The following GPC5 variants were observed in gnomAD, a reference collection of about 807,000 sequenced individuals.
GPC5 encodes the protein glypican-5.
GPC5 carries 47 observed loss-of-function variants against 53.9 expected under a neutral mutation model. That is an observed-to-expected ratio of 0.87 (90% CI 0.69 to 1.11). The LOEUF (loss-of-function observed/expected upper bound fraction) is 1.11. Among genes scored for constraint, GPC5 ranks in the 50% most tolerant of loss-of-function variants. The pLI, the probability that GPC5 is intolerant of heterozygous loss-of-function variation, is 0.00. For synonymous variants in GPC5, 286 were observed against 263.3 expected, an observed-to-expected ratio of 1.09 and a Z score of -0.84; for missense variants, 748 against 713.1, an observed-to-expected ratio of 1.05 and a Z score of -0.56.
intron 2 of GPC5, among the ~76,000 whole-genome samples, chr13:91,501,438 T>G (rs1364163304): frequency 5.3e-5 from 8 of 152,024 alleles, no homozygotes; most frequent in East Asian, 1.9e-4. Flanking sequence ...ATGCTCCCCT[T>G]CCTGTGTCCA....
rs1181855047 is a variant in GPC5, at chr13:91,497,249, C to T, written c.325+48327C>T. On this transcript the variant is annotated intron_variant, in intron 2 of 7. Coordinates refer to ENST00000377067, the MANE Select transcript of GPC5 (RefSeq NM_004466.6). ...CCAAACAAACTTGATTTAAACCTTT[C>T]TGTAGGTAATTATGTGTCAGCTATT... Among the ~76,000 whole-genome samples the T allele has an allele frequency of 1.1e-4, 17 of 152,000 alleles. No individual in the cohort carries two copies. The South Asian group carries it at 2.9e-3, about 26-fold the overall frequency.
Position 92,409,838 on chromosome 13 carries a change from GC to G in GPC5, c.1561+264850del, listed in dbSNP as rs1224416330. ...TAAATTATGATACATTTATGGTCCA[GC>G]TTTTAAAATAAATGCCACAGAGCTT... On this transcript the variant is annotated intron_variant, in intron 7 of 7. Coordinates refer to ENST00000377067, the MANE Select transcript of GPC5 (RefSeq NM_004466.6). Among the ~76,000 whole-genome samples, 5 of 152,148 alleles carry G rather than the reference GC, an allele frequency of 3.3e-5. No individual in the cohort carries two copies. In the East Asian group the frequency reaches 9.6e-4, roughly 29 times the overall value.
intron 4 of GPC5, among the ~76,000 whole-genome samples, chr13:91,735,099 T>C (rs879487188): frequency 8.6e-5 from 13 of 151,356 alleles, no homozygotes; most frequent in Non-Finnish European, 1.6e-4. Flanking sequence ...GATGACCTTG[T>C]TAAATATAAA....
intron 2 of GPC5, among the ~76,000 whole-genome samples, chr13:91,612,303 G>A (rs2033576613): frequency 6.6e-6 from 1 of 152,138 alleles, no homozygotes; most frequent in Non-Finnish European, 1.5e-5. Context: ...TAATGCTATA[G>A]TAAATTATAA....
intron 7 of GPC5, among the ~76,000 whole-genome samples, chr13:92,697,314 T>C (rs1038878264): frequency 6.6e-6 from 1 of 152,228 alleles, no homozygotes; most frequent in Non-Finnish European, 1.5e-5. Context: ...ACGATATTGA[T>C]TCTTCCTATC....
In GPC5 at chr13:91,617,975, TCTC is replaced by T. The variant is rs145340114; in HGVS notation, c.326-75206_326-75204del. 4.1e-3 allele frequency among the ~76,000 whole-genome samples: 625 copies of T among 152,196 alleles called. 4 individuals carry two copies. The highest frequency in any genetic ancestry group is 0.015 in the African/African-American group (605 of 41,522). ...TTGAATTTCATATGTCACAAAATAT[TCTC>T]CTCCTTCTTCTATTTTTGCTCCAGC... On this transcript the variant is annotated intron_variant, in intron 2 of 7. Transcript: ENST00000377067.
chr13:91,967,485 C>A (rs4566009), intron 6 of GPC5, among the ~76,000 whole-genome samples: 90,840 of 151,886 alleles, frequency 0.6, 27,714 homozygotes, highest in East Asian at 0.75. Flanking sequence ...AATTTTAAAA[C>A]ATATTAAATT....
In GPC5 at chr13:92,162,167, T is replaced by C. The variant is rs142907145; in HGVS notation, c.1561+17178T>C. ...CATTATGATGCTCACATAAGAACAT[T>C]GTACTCATTTAATACAAATTTTGCA... On this transcript the variant is annotated intron_variant, in intron 7 of 7. Transcript: ENST00000377067. Among the ~76,000 whole-genome samples the C allele has an allele frequency of 7.7e-4, 117 of 152,028 alleles. 1 individual carries two copies. Among genetic ancestry groups the C allele is most frequent in the Middle Eastern group, 6.8e-3 (2 of 294 alleles).
intron 6 of GPC5, among the ~76,000 whole-genome samples, chr13:92,130,277 C>A (rs978228845): frequency 6.6e-6 from 1 of 150,910 alleles, no homozygotes; most frequent in African/African-American, 2.4e-5. Flanking sequence ...GAAAGTTCTT[C>A]GGACTAAGAA....
chr13:91,732,135 T>C (rs2036713409), intron 4 of GPC5, among the ~76,000 whole-genome samples: 1 of 152,230 alleles, frequency 6.6e-6, no homozygotes, highest in African/African-American at 2.4e-5. Context: ...GTTGAACTAA[T>C]TTATGCTTTC....
intron 4 of GPC5, among the ~76,000 whole-genome samples, chr13:91,749,057 T>G (rs990037283): frequency 1.3e-5 from 2 of 152,066 alleles, no homozygotes; most frequent in East Asian, 3.9e-4. Flanking sequence ...TTTATAGATA[T>G]AGTGGGCAAA....
chr13:92,119,421 C>CA (rs2041628582), intron 6 of GPC5, among the ~76,000 whole-genome samples: 3 of 87,022 alleles, frequency 3.4e-5, no homozygotes, highest in East Asian at 8.7e-4. Context: ...TTTTTGGAGA[C>CA]AGAGTCTTGC....
intron 7 of GPC5, among the ~76,000 whole-genome samples, chr13:92,761,217 G>A (rs1875162448): frequency 6.6e-6 from 1 of 152,088 alleles, no homozygotes; most frequent in African/African-American, 2.4e-5. Flanking sequence ...GGGTGCAGTG[G>A]CTATTTGCAG....
chr13:91,896,168 G>A (rs1206310761), intron 5 of GPC5, among the ~76,000 whole-genome samples: 1 of 144,464 alleles, frequency 6.9e-6, no homozygotes, highest in Non-Finnish European at 1.5e-5. Context: ...CATCCAGGCT[G>A]GAGTGCAGTG....
At chr13:92,817,522 C>T (rs528891628) in intron 7 of GPC5, among the ~76,000 whole-genome samples, 1 of 152,018 alleles carries the variant, frequency 6.6e-6, no homozygotes, top group Non-Finnish European at 1.5e-5. Flanking sequence ...AAAATATCAG[C>T]ATCAATCAAA....
chr13:91,513,363 T>A (rs1011391621), intron 2 of GPC5, among the ~76,000 whole-genome samples: 1 of 151,996 alleles, frequency 6.6e-6, no homozygotes, highest in South Asian at 2.1e-4. Flanking sequence ...TTTGTGTGTG[T>A]GTGTGTGTGT....
intron 7 of GPC5, among the ~76,000 whole-genome samples, chr13:92,604,172 A>G (rs1884174879): frequency 6.6e-6 from 1 of 152,200 alleles, no homozygotes; most frequent in Non-Finnish European, 1.5e-5. Context: ...CAGTAACAAA[A>G]CAGGAATTAC....
chr13:91,624,273 A>T (rs979389480), intron 2 of GPC5, among the ~76,000 whole-genome samples: 1 of 152,150 alleles, frequency 6.6e-6, no homozygotes, highest in Admixed American at 6.6e-5. Flanking sequence ...TGGTGATATT[A>T]TCAGACAAAA....
chr13:91,541,006 T>G (rs2029894607), intron 2 of GPC5, among the ~76,000 whole-genome samples: 1 of 152,190 alleles, frequency 6.6e-6, no homozygotes, highest in African/African-American at 2.4e-5. Flanking sequence ...TTATTATGTA[T>G]TTTAAAATGG....
Sources: allele counts gnomAD v4.1 joint callset (sites outside exome capture counted in the v4.1 genomes callset), GRCh38; gene constraint gnomAD v4.1.1; transcripts MANE v1.5; gene names NCBI Gene and HGNC (gene_info 2026-07-23, HGNC 2026-07-21).